Variants in PACSIN1 observed in about 807,000 individuals in gnomAD.
The protein encoded by PACSIN1 is protein kinase C and casein kinase substrate in neurons 1.
In PACSIN1, 15 loss-of-function variants were observed where a neutral mutation model predicts 59.5. That is an observed-to-expected ratio of 0.25 (90% CI 0.17 to 0.39). PACSIN1 has a LOEUF of 0.39. Ranked by LOEUF, PACSIN1 falls within the 10% of genes least tolerant of loss-of-function variation. The probability of loss-of-function intolerance (pLI) is 1.00; values close to 1 mark genes in which losing one functional copy is unlikely to be tolerated. For synonymous variants in PACSIN1, 210 were observed against 220.6 expected (o/e 0.95, Z 0.42); for missense variants, 420 against 580.2 (o/e 0.72, Z 2.84).
chr6:34,505,535 T>C lies in PACSIN1; in HGVS notation c.-63-20708T>C, dbSNP rs549453466. Among the ~76,000 whole-genome samples, 426 of 151,954 alleles carry C rather than the reference T, an allele frequency of 2.8e-3. 2 individuals are homozygous for C. Among genetic ancestry groups the C allele is most frequent in the African/African-American group, 9.3e-3 (384 of 41,464 alleles). On this transcript the variant is annotated intron_variant, in intron 1 of 9. Transcript: ENST00000244458. Reference sequence around the variant, plus strand: ...GTTCTGTCCTTTTCTTTCTTTTTTTTTTTTTCAAGCCATTTTCTCTCTGTT... The same window carrying C: ...GTTCTGTCCTTTTCTTTCTTTTTTTCTTTTTCAAGCCATTTTCTCTCTGTT...
chr6:34,493,157 G>C (rs1766901458), intron 1 of PACSIN1, among the ~76,000 whole-genome samples: 1 of 152,120 alleles, frequency 6.6e-6, no homozygotes, highest in Non-Finnish European at 1.5e-5. Context: ...CCTGGGAGGG[G>C]GCCAGCAAGA....
chr6:34,534,366 T>C lies in PACSIN1; in HGVS notation c.*1836T>C, dbSNP rs1767655933. ...CCGTCAGCACCCCCTTCCTTATCAC[T>C]GTCTGGTCTCCGAGCTTCGGCTGCA... On this transcript the variant is annotated 3_prime_UTR_variant, in exon 10 of 10. Transcript: ENST00000244458. The C allele has an allele frequency of 6.5e-6, 1 of 152,820 alleles. No homozygotes were observed. Among genetic ancestry groups the C allele is most frequent in the Non-Finnish European group, 1.5e-5 (1 of 68,214 alleles). 9.5% of individuals were successfully genotyped at this position (152,820 alleles called of 1,614,324 possible).
chr6:34,490,069 T>A (rs1021544638), intron 1 of PACSIN1, among the ~76,000 whole-genome samples: 1 of 144,546 alleles, frequency 6.9e-6, no homozygotes, highest in Non-Finnish European at 1.6e-5. Flanking sequence ...GGATGTTCTC[T>A]CTTGTTTTTT....
At position 34,523,416 on chromosome 6, in the gene PACSIN1, G is replaced by A. The variant is rs370411658; in HGVS notation, c.-63-2827G>A. Among the ~76,000 whole-genome samples the A allele has an allele frequency of 9.2e-5, 14 of 152,384 alleles. No individual in the cohort carries two copies. In the South Asian group the frequency reaches 2.7e-3, roughly 29 times the overall value. On this transcript the variant is annotated intron_variant, in intron 1 of 9. Coordinates refer to ENST00000244458, the MANE Select transcript of PACSIN1 (RefSeq NM_020804.5). ...TCTCAGCTACAGTGTGGGAGTGACA[G>A]CAGAATCTGCCTGGTCAGGTTGTGG...
At chr6:34,517,777 C>A (rs1311719783) in intron 1 of PACSIN1, among the ~76,000 whole-genome samples, 1 of 152,204 alleles carries the variant, frequency 6.6e-6, no homozygotes, top group East Asian at 1.9e-4. Context: ...CTTTACAGCC[C>A]TTATCACCTT....
In PACSIN1 at chr6:34,530,390, G is replaced by A; in HGVS notation, c.909+27G>A. 2 of 1,611,084 alleles carry A rather than the reference G, an allele frequency of 1.2e-6. No homozygotes were observed. Among genetic ancestry groups the A allele is most frequent in the Non-Finnish European group, 1.7e-6 (2 of 1,177,888 alleles). ...TGAGGATATGTGGGGATGGGAAGGG[G>A]AGCCTGAAGAGGCTGAAAGGTGCCT... On this transcript the variant is annotated intron_variant, in intron 7 of 9. Coordinates refer to ENST00000244458, the MANE Select transcript of PACSIN1 (RefSeq NM_020804.5). The surrounding 1 kb of genome is among the most constrained non-coding windows in gnomAD (Gnocchi z 4.4).
At chr6:34,498,891 G>A (rs1766985447) in intron 1 of PACSIN1, among the ~76,000 whole-genome samples, 1 of 151,934 alleles carries the variant, frequency 6.6e-6, no homozygotes, top group Non-Finnish European at 1.5e-5. Context: ...ACCACAGTGG[G>A]CCCCAGCGTT....
At position 34,504,540 on chromosome 6, in the gene PACSIN1, C is replaced by T. The variant is rs150895515; in HGVS notation, c.-63-21703C>T. 4.1e-3 allele frequency among the ~76,000 whole-genome samples: 622 copies of T among 152,232 alleles called. 1 individual carries two copies. Among genetic ancestry groups the T allele is most frequent in the Non-Finnish European group, 7.3e-3 (496 of 68,016 alleles). Reference sequence around the variant, plus strand: ...TCCTGACCTCAAGTGATCCACCTGCCTCGGCTTCCCCAAGTGCTGGGATTG... The same window carrying T: ...TCCTGACCTCAAGTGATCCACCTGCTTCGGCTTCCCCAAGTGCTGGGATTG... On this transcript the variant is annotated intron_variant, in intron 1 of 9. Transcript: ENST00000244458.
In PACSIN1 at chr6:34,521,553, C is replaced by G. The variant is rs1050986880; in HGVS notation, c.-63-4690C>G. On this transcript the variant is annotated intron_variant, in intron 1 of 9. Coordinates refer to ENST00000244458, the MANE Select transcript of PACSIN1 (RefSeq NM_020804.5). The surrounding 1 kb of genome is among the most constrained non-coding windows in gnomAD (Gnocchi z 4.3). ...CCGCCATTACAGACTTGGCCCACAT[C>G]TCACTGGTAGTAGTTGGGTGAGCTG... 2.0e-5 allele frequency among the ~76,000 whole-genome samples: 3 copies of G among 152,202 alleles called. No homozygotes were observed. The highest frequency in any genetic ancestry group is 2.1e-4 in the South Asian group (1 of 4,820).
intron 1 of PACSIN1, among the ~76,000 whole-genome samples, chr6:34,472,157 A>G (rs1766579934): frequency 1.3e-5 from 2 of 151,730 alleles, no homozygotes; most frequent in Non-Finnish European, 2.9e-5. Flanking sequence ...CTGTAGTCCC[A>G]GCTACTCAGG....
In PACSIN1 at chr6:34,532,624, A is replaced by G. The variant is rs1215495277; in HGVS notation, c.*94A>G. The stretch of plus-strand genomic sequence containing the variant: ...TTCCCCTCGCCATAGAGTTCCAGAC[A>G]TATTTTCCGATCAAGCTTTTATTTT... On this transcript the variant is annotated 3_prime_UTR_variant, in exon 10 of 10. Transcript: ENST00000244458. The surrounding 1 kb of genome is among the most constrained non-coding windows in gnomAD (Gnocchi z 5.2). 3 of 685,612 alleles carry G rather than the reference A, an allele frequency of 4.4e-6. No homozygotes were observed. The highest frequency in any genetic ancestry group is 1.8e-5 in the African/African-American group (1 of 54,942). 42.5% of individuals were successfully genotyped at this position (685,612 alleles called of 1,614,324 possible).
chr6:34,472,354 TCATATTTACATAA>T (rs1322901074), intron 1 of PACSIN1, among the ~76,000 whole-genome samples: 1 of 151,296 alleles, frequency 6.6e-6, no homozygotes, highest in Non-Finnish European at 1.5e-5. Context: ...TCTTCTCTGT[TCATATTTACATAA>T]CAATGTGTAG....
chr6:34,470,175 C>CTATTATTAT (rs200734893), intron 1 of PACSIN1, among the ~76,000 whole-genome samples: 91 of 151,562 alleles, frequency 6.0e-4, no homozygotes, highest in African/African-American at 2.1e-3. Context: ...GAGGCCTTGG[C>CTATTATTAT]TATTATTATT....
intron 2 of PACSIN1, among the ~76,000 whole-genome samples, chr6:34,526,731 G>A (rs1318884272): frequency 6.6e-6 from 1 of 152,186 alleles, no homozygotes; most frequent in Non-Finnish European, 1.5e-5. Flanking sequence ...GTGGAGCGCC[G>A]GACACAGAGA....
At position 34,473,581 on chromosome 6, in the gene PACSIN1, G is replaced by A. The variant is rs75850298; in HGVS notation, c.-64+7311G>A. 3.8e-3 allele frequency among the ~76,000 whole-genome samples: 584 copies of A among 152,238 alleles called. 26 individuals are homozygous for A. The East Asian group carries it at 0.097, about 25-fold the overall frequency. ...CTTGACCAGCCACTGAGGACAAGAG[G>A]GGCAGCCGAGGCAGGGCTGGAGGGC... is the stretch of plus-strand genomic sequence containing the variant. On this transcript the variant is annotated intron_variant, in intron 1 of 9. Transcript: ENST00000244458.
chr6:34,478,005 A>C (rs1581957530), intron 1 of PACSIN1, among the ~76,000 whole-genome samples: 1 of 144,524 alleles, frequency 6.9e-6, no homozygotes. Context: ...CTCCCGCCTC[A>C]GCCTCCCAAA....
At chr6:34,492,508 C>T (rs780859437) in intron 1 of PACSIN1, among the ~76,000 whole-genome samples, 9 of 152,140 alleles carry the variant, frequency 5.9e-5, no homozygotes, top group African/African-American at 1.4e-4. Flanking sequence ...CTCAGCCTCC[C>T]GAGTAGCTGG....
At chr6:34,512,253 G>T (rs925944405) in intron 1 of PACSIN1, among the ~76,000 whole-genome samples, 9 of 151,658 alleles carry the variant, frequency 5.9e-5, no homozygotes, top group Admixed American at 3.3e-4. Context: ...GAGACAGAAG[G>T]GGTCAGCTTC....
In PACSIN1 at chr6:34,514,683, C is replaced by T. The variant is rs376101985; in HGVS notation, c.-63-11560C>T. ...TCTGTGGCCGTGAAGTGTATGCATG[C>T]GTGCCCATGTTGATGCGGCGCCGTG... On this transcript the variant is annotated intron_variant, in intron 1 of 9. Coordinates refer to ENST00000244458, the MANE Select transcript of PACSIN1 (RefSeq NM_020804.5). This position sits in a 1 kb window ranked among gnomAD's most constrained non-coding sequence, Gnocchi z 4.4. Among the ~76,000 whole-genome samples the T allele has an allele frequency of 6.6e-6, 1 of 152,152 alleles. No homozygotes were observed. The highest frequency in any genetic ancestry group is 1.9e-4 in the East Asian group (1 of 5,190).
Sources: allele counts gnomAD v4.1 joint callset (sites outside exome capture counted in the v4.1 genomes callset), GRCh38; gene constraint gnomAD v4.1.1; non-coding constraint Gnocchi (gnomAD v3.1); transcripts MANE v1.5; gene names NCBI Gene and HGNC (gene_info 2026-07-23, HGNC 2026-07-21).